Variants in PRKCI observed in about 807,000 individuals in gnomAD.
The protein encoded by PRKCI is protein kinase C iota type.
Under a neutral mutation model 84.0 loss-of-function variants are expected in PRKCI, and 43 were observed. The ratio of observed to expected loss-of-function variants is 0.51; its 90% confidence interval spans 0.40 to 0.66. PRKCI has a LOEUF of 0.66. Among genes scored for constraint, PRKCI ranks in the 30% least tolerant of loss-of-function variants. The pLI is 0.00. For synonymous variants in PRKCI, 216 were observed against 234.4 expected (o/e 0.92, Z 0.72); for missense variants, 459 against 745.6 (o/e 0.62, Z 4.48).
intron 4 of PRKCI, among the ~76,000 whole-genome samples, chr3:170,267,639 C>T (rs959717096): frequency 2.7e-5 from 4 of 145,562 alleles, no homozygotes; most frequent in Non-Finnish European, 5.9e-5. Flanking sequence ...TGCCACCGCA[C>T]TCCAGCCTGG....
Position 170,281,283 on chromosome 3 carries a change from G to C in PRKCI, c.980+20G>C, listed in dbSNP as rs1560181684. 1.3e-6 allele frequency: 2 copies of C among 1,594,758 alleles called. No homozygotes were observed. The highest frequency in any genetic ancestry group is 1.1e-5 in the South Asian group (1 of 90,688). On this transcript the variant is annotated intron_variant, in intron 10 of 17. Transcript: ENST00000295797. The stretch of plus-strand genomic sequence containing the variant: ...AAGCAGGTAAGATTGAAAGATAGTA[G>C]AATGATTACTGGGCTTCATATTTTT...
intron 7 of PRKCI, among the ~76,000 whole-genome samples, chr3:170,274,100 G>A (rs1196225858): frequency 6.6e-6 from 1 of 151,792 alleles, no homozygotes; most frequent in Non-Finnish European, 1.5e-5. Context: ...GGCTGATTTT[G>A]TGGCCCATGT....
intron 2 of PRKCI, among the ~76,000 whole-genome samples, chr3:170,237,040 A>G (rs534371436): frequency 2.2e-4 from 34 of 152,332 alleles, no homozygotes; most frequent in African/African-American, 8.2e-4. Context: ...AAAGGAAGAC[A>G]CATCTATAAT....
intron 2 of PRKCI, among the ~76,000 whole-genome samples, chr3:170,240,629 T>C (rs568870427): frequency 6.6e-6 from 1 of 152,368 alleles, no homozygotes; most frequent in Admixed American, 6.5e-5. Context: ...ACCTTTGTTT[T>C]TAATCATGTA....
chr3:170,246,324 T>C (rs1233963435), intron 2 of PRKCI, among the ~76,000 whole-genome samples: 2 of 152,160 alleles, frequency 1.3e-5, no homozygotes, highest in Non-Finnish European at 2.9e-5. Flanking sequence ...AGCTAATTTT[T>C]GTACTTTTAG....
chr3:170,250,430 C>A (rs1733411940), intron 2 of PRKCI, among the ~76,000 whole-genome samples: 1 of 66,002 alleles, frequency 1.5e-5, no homozygotes, highest in South Asian at 6.2e-4. Context: ...TTTTCATTAC[C>A]AACCCCCCCC....
chr3:170,245,187 T>C (rs140144720), intron 2 of PRKCI, among the ~76,000 whole-genome samples: 29 of 152,258 alleles, frequency 1.9e-4, no homozygotes, highest in African/African-American at 7.0e-4. Context: ...AGGTATTGGT[T>C]ACTGAGTCCC....
At chr3:170,284,902 A>G (rs962606980) in intron 12 of PRKCI, among the ~76,000 whole-genome samples, 1 of 152,180 alleles carries the variant, frequency 6.6e-6, no homozygotes, top group African/African-American at 2.4e-5. Context: ...ACTACTTAAC[A>G]CAACCATTTG....
chr3:170,299,455 G>T (rs565725019), intron 17 of PRKCI, among the ~76,000 whole-genome samples: 2 of 152,170 alleles, frequency 1.3e-5, no homozygotes, highest in South Asian at 4.1e-4. Flanking sequence ...TTGAACTCCA[G>T]ACCTCAGGTG....
chr3:170,300,193 C>A (rs1734788587), intron 17 of PRKCI, among the ~76,000 whole-genome samples: 1 of 152,188 alleles, frequency 6.6e-6, no homozygotes, highest in Non-Finnish European at 1.5e-5. Flanking sequence ...AGTTCTACTC[C>A]TTTTTCCATC....
intron 17 of PRKCI, among the ~76,000 whole-genome samples, chr3:170,301,382 G>A (rs967184016): frequency 5.3e-5 from 8 of 152,152 alleles, no homozygotes; most frequent in South Asian, 4.1e-4. Flanking sequence ...ATCCCCTGCC[G>A]TTAGATCTCC....
At chr3:170,244,397 C>G (rs898240668) in intron 2 of PRKCI, among the ~76,000 whole-genome samples, 1 of 152,152 alleles carries the variant, frequency 6.6e-6, no homozygotes, top group Non-Finnish European at 1.5e-5. Context: ...TGTAGGGGTT[C>G]AGAGAGCTTC....
chr3:170,289,967 G>T (rs893379939), intron 12 of PRKCI, among the ~76,000 whole-genome samples: 1 of 152,018 alleles, frequency 6.6e-6, no homozygotes, highest in African/African-American at 2.4e-5. Context: ...CAGCTACTTG[G>T]GAGGCTGAGG....
At chr3:170,271,102 C>T (rs888943551) in intron 6 of PRKCI, among the ~76,000 whole-genome samples, 6 of 152,014 alleles carry the variant, frequency 3.9e-5, no homozygotes, top group African/African-American at 1.4e-4. Flanking sequence ...TATATTCTAC[C>T]ATGTAAAGGT....
intron 2 of PRKCI, among the ~76,000 whole-genome samples, chr3:170,254,360 T>C (rs1733532415): frequency 6.6e-6 from 1 of 152,218 alleles, no homozygotes; most frequent in Non-Finnish European, 1.5e-5. Context: ...TGCGGGGTGC[T>C]ACTCAAGAAT....
Position 170,222,623 on chromosome 3 carries a change from C to G in PRKCI, c.-47C>G. The G allele has an allele frequency of 4.1e-6, 6 of 1,467,626 alleles. No homozygotes were observed. Among genetic ancestry groups the G allele is most frequent in the East Asian group, 2.8e-5 (1 of 35,898 alleles). The allele number at this position is 1,467,626 out of a possible 1,614,324, so 90.9% of individuals were successfully genotyped here. A position where few individuals can be genotyped will look rare whatever the true frequency, so the allele number is the denominator to read the frequency against. ...GGAGTCCCCCACGGCGCCCGAAGCGCCCCCCCGCACCCCCGGCCTCCAGCG... is the reference window on the plus strand; with the variant it reads ...GGAGTCCCCCACGGCGCCCGAAGCGGCCCCCCGCACCCCCGGCCTCCAGCG... On this transcript the variant is annotated 5_prime_UTR_variant, in exon 1 of 18. Transcript: ENST00000295797.
chr3:170,249,604 CAT>C (rs1401132546), intron 2 of PRKCI, among the ~76,000 whole-genome samples: 1 of 151,550 alleles, frequency 6.6e-6, no homozygotes, highest in East Asian at 2.0e-4. Flanking sequence ...GCCTGGTCAA[CAT>C]AGGGAGACGC....
chr3:170,292,505 G>A (rs921693363), intron 13 of PRKCI, among the ~76,000 whole-genome samples: 3 of 152,178 alleles, frequency 2.0e-5, no homozygotes, highest in African/African-American at 7.2e-5. Flanking sequence ...TCTGCCTTCA[G>A]CAGATATAAA....
At chr3:170,226,188 C>T (rs1312955003) in intron 1 of PRKCI, among the ~76,000 whole-genome samples, 2 of 152,178 alleles carry the variant, frequency 1.3e-5, no homozygotes, top group South Asian at 4.1e-4. Context: ...GTTGGGATTA[C>T]AGGAATGAGC....
Sources: gnomAD v4.1 joint callset for allele counts (sites outside exome capture counted in the v4.1 genomes callset) on GRCh38, gnomAD v4.1.1 for gene constraint, MANE v1.5 for transcripts, NCBI Gene and HGNC (gene_info 2026-07-23, HGNC 2026-07-21) for gene names.